TBC1D9: variants seen among roughly 807,000 people sequenced by gnomAD.
The protein encoded by TBC1D9 is TBC1 domain family member 9.
A neutral mutation model predicts 132.0 loss-of-function variants in TBC1D9; 63 were observed. That is an observed-to-expected ratio of 0.48 (90% confidence interval 0.39 to 0.59). The LOEUF (loss-of-function observed/expected upper bound fraction) is 0.59. TBC1D9 is among the 20% of genes least tolerant of loss of function. The pLI is 0.00. For synonymous variants in TBC1D9, 610 were observed against 609.9 expected (o/e 1.00, Z 0.00); for missense variants, 1,261 against 1,592.7 (o/e 0.79, Z 3.54).
intron 5 of TBC1D9, among the ~76,000 whole-genome samples, 185 bp from the exon 6 acceptor site, chr4:140,677,286 A>G (rs1252983997): frequency 6.6e-6 from 1 of 152,184 alleles, no homozygotes; most frequent in Admixed American, 6.5e-5. Context: ...TAATAAAATT[A>G]TCTTATTATA....
chr4:140,648,547 G>A (rs1301292549), intron 13 of TBC1D9, among the ~76,000 whole-genome samples: 2 of 151,864 alleles, frequency 1.3e-5, no homozygotes, highest in East Asian at 1.9e-4. Context: ...CACTACGCCT[G>A]GCTAATTGTT....
chr4:140,644,835 T>G, intron 13 of TBC1D9: 21 of 422,832 alleles, frequency 5.0e-5, no homozygotes, highest in South Asian at 4.1e-4. Flanking sequence ...GCAGGTGATC[T>G]CTGGGAATGA....
Position 140,622,555 on chromosome 4 carries a change from G to A in TBC1D9, c.3441C>T (p.Ser1147=). The A allele has an allele frequency of 6.2e-7, 1 of 1,614,072 alleles. No individual in the cohort carries two copies. The highest frequency in any genetic ancestry group is 1.1e-5 in the South Asian group (1 of 91,090). The stretch of plus-strand genomic sequence containing the variant: ...TGTCGTCGTCAGAGATCAGCATGGA[G>A]GAGCAGGCCCCGTTGTCCCGGGGCG... ...DSSPRDNGAC[S]SMLISDDDTK... The change falls in exon 21 of 21, where the codon TCC becomes TCT. Residue 1147 remains serine (S), a synonymous_variant. Coordinates refer to ENST00000442267, the MANE Select transcript of TBC1D9 (RefSeq NM_015130.3).
chr4:140,679,072 T>A lies in TBC1D9; in HGVS notation c.721A>T (p.Thr241Ser). 1 of 1,613,946 alleles carries A rather than the reference T, an allele frequency of 6.2e-7. No individual in the cohort carries two copies. The highest frequency in any genetic ancestry group is 8.5e-7 in the Non-Finnish European group (1 of 1,179,860). ...FFSVFLNINE[T>S]FKLMEQLANI... The stretch of plus-strand genomic sequence containing the variant: ...GCAAGCTGCTCCATTAACTTGAAGG[T>A]CTCGTTGATGTTGAGGAATACAGAG... The change falls in exon 5 of 21, where the codon ACC becomes TCC. Residue 241 changes from threonine to serine, a missense_variant. By Grantham distance (58) the Thr-to-Ser change is moderately conservative. Around this residue, in one of 3 missense-constraint regions of TBC1D9, gnomAD observed 550 missense variants for 699.0 expected, o/e 0.79. Coordinates refer to ENST00000442267, the MANE Select transcript of TBC1D9 (RefSeq NM_015130.3).
chr4:140,670,985 A>G, intron 6 of TBC1D9, 59 bp from the exon 7 acceptor site: 1 of 1,459,922 alleles, frequency 6.8e-7, no homozygotes. Context: ...ATAGCAGCCT[A>G]TATGCAGCAC....
At chr4:140,736,172 T>G (rs1461988190) in intron 1 of TBC1D9, among the ~76,000 whole-genome samples, 1 of 147,926 alleles carries the variant, frequency 6.8e-6, no homozygotes. Flanking sequence ...AGGGAGAGAG[T>G]GAGGGGGAAG....
intron 13 of TBC1D9, chr4:140,643,596 C>T: frequency 1.1e-6 from 1 of 917,098 alleles, no homozygotes; most frequent in Non-Finnish European, 1.6e-6. Context: ...CTGGGCCAGG[C>T]CTTCCTCCGG....
chr4:140,741,989 T>A (rs1224538771), intron 1 of TBC1D9, among the ~76,000 whole-genome samples: 1 of 152,324 alleles, frequency 6.6e-6, no homozygotes, highest in East Asian at 1.9e-4. Flanking sequence ...ACACCTTACA[T>A]GGGTTGGTTC....
At chr4:140,739,878 T>C (rs530139330) in intron 1 of TBC1D9, among the ~76,000 whole-genome samples, 14 of 152,276 alleles carry the variant, frequency 9.2e-5, no homozygotes, top group African/African-American at 2.9e-4. Flanking sequence ...TTAAAAGTAA[T>C]CTAGAAGAAA....
At chr4:140,753,735 C>T (rs1738960818) in intron 1 of TBC1D9, among the ~76,000 whole-genome samples, 1 of 152,200 alleles carries the variant, frequency 6.6e-6, no homozygotes, top group Non-Finnish European at 1.5e-5. Context: ...ATTATTTCAT[C>T]AATACCTGTC....
At chr4:140,674,989 G>T (rs762580630) in intron 6 of TBC1D9, among the ~76,000 whole-genome samples, 3 of 152,104 alleles carry the variant, frequency 2.0e-5, no homozygotes, top group Admixed American at 6.5e-5. Flanking sequence ...GATTACAGGT[G>T]TGAGCCATCA....
intron 3 of TBC1D9, among the ~76,000 whole-genome samples, chr4:140,684,376 A>C (rs1428782328): frequency 6.6e-6 from 1 of 152,186 alleles, no homozygotes; most frequent in Non-Finnish European, 1.5e-5. Flanking sequence ...AGGTCTCAAA[A>C]CAAATAACTT....
chr4:140,750,852 C>T (rs1050531892), intron 1 of TBC1D9, among the ~76,000 whole-genome samples: 4 of 151,862 alleles, frequency 2.6e-5, no homozygotes, highest in South Asian at 2.1e-4. Flanking sequence ...TACAATGGTT[C>T]GACTTACAAA....
At chr4:140,697,040 G>C (rs1737970569) in intron 2 of TBC1D9, among the ~76,000 whole-genome samples, 1 of 152,086 alleles carries the variant, frequency 6.6e-6, no homozygotes, top group African/African-American at 2.4e-5. Flanking sequence ...TCATGAAAAG[G>C]AGCCAGTAAC....
chr4:140,675,953 A>G (rs952159870), intron 6 of TBC1D9, among the ~76,000 whole-genome samples: 1 of 152,186 alleles, frequency 6.6e-6, no homozygotes, highest in Non-Finnish European at 1.5e-5. Flanking sequence ...TCCCAGGGCT[A>G]GCCAATTTCT....
At chr4:140,666,942 T>C (rs1048691939) in intron 9 of TBC1D9, among the ~76,000 whole-genome samples, 2 of 152,308 alleles carry the variant, frequency 1.3e-5, no homozygotes, top group East Asian at 3.9e-4. Context: ...GCCTCACCAC[T>C]CACGCTGGCC....
intron 1 of TBC1D9, among the ~76,000 whole-genome samples, chr4:140,742,240 T>TA (rs1234561073): frequency 2.0e-5 from 3 of 151,868 alleles, no homozygotes; most frequent in Admixed American, 6.6e-5. Flanking sequence ...CAGAACACCT[T>TA]AAAAAATGAC....
At chr4:140,700,929 C>T (rs1403478478) in intron 2 of TBC1D9, 1 of 152,560 alleles carries the variant, frequency 6.6e-6, no homozygotes, top group Non-Finnish European at 1.5e-5. Context: ...TAGCTCATGA[C>T]CTTCGGACCA....
chr4:140,742,888 C>CAGG (rs78912702), intron 1 of TBC1D9, among the ~76,000 whole-genome samples: 65 of 150,390 alleles, frequency 4.3e-4, no homozygotes, highest in African/African-American at 5.9e-4. Context: ...AGAGGAGGAG[C>CAGG]AGGAGGAGGA....
Sources: allele counts gnomAD v4.1 joint callset (sites outside exome capture counted in the v4.1 genomes callset), GRCh38; gene constraint gnomAD v4.1.1; regional missense constraint gnomAD v4.1.1; transcripts MANE v1.5; gene names NCBI Gene and HGNC (gene_info 2026-07-23, HGNC 2026-07-21).